The following CFAP299 variants were observed in gnomAD, a reference collection of about 807,000 sequenced individuals.
CFAP299 encodes the protein cilia and flagella associated protein 299.
In CFAP299, 21 loss-of-function variants were observed where a neutral mutation model predicts 27.0. The observed-to-expected ratio is 0.78, with a 90% confidence interval of 0.55 to 1.12. CFAP299 has a LOEUF of 1.12. Ranked by LOEUF, CFAP299 falls within the 50% of genes most tolerant of loss-of-function variation. The pLI, the probability that CFAP299 is intolerant of heterozygous loss-of-function variation, is 0.00. For missense variants in CFAP299, 310 were observed against 276.6 expected (o/e 1.12, Z -0.86); for synonymous variants, 104 against 98.1 (o/e 1.06, Z -0.36).
chr4:80,757,750 G>A (rs1333406399), intron 3 of CFAP299, among the ~76,000 whole-genome samples: 3 of 150,520 alleles, frequency 2.0e-5, no homozygotes, highest in Admixed American at 6.6e-5. Flanking sequence ...TTTCATTTAC[G>A]CAGTCTCATT....
chr4:80,954,044 A>G (rs1737921971), intron 5 of CFAP299, among the ~76,000 whole-genome samples: 1 of 152,228 alleles, frequency 6.6e-6, no homozygotes, highest in South Asian at 2.1e-4. Context: ...TTCTCACAAA[A>G]TGTATTACCT....
At chr4:80,834,726 G>A (rs1303162338) in intron 3 of CFAP299, among the ~76,000 whole-genome samples, 6 of 152,090 alleles carry the variant, frequency 3.9e-5, no homozygotes, top group Non-Finnish European at 8.8e-5. Flanking sequence ...CGGCGGACAG[G>A]GCAGTTCTTA....
Position 80,588,495 on chromosome 4 carries a change from A to G in CFAP299, c.333+5312A>G, listed in dbSNP as rs1736561804. ...ATCAATCATTTTATATGAAAATTTA[A>G]TGACATCTTTAGTGTTACATACCTG... On this transcript the variant is annotated intron_variant, in intron 3 of 5. Coordinates refer to ENST00000358105, the MANE Select transcript of CFAP299 (RefSeq NM_152770.3). Among the ~76,000 whole-genome samples the G allele has an allele frequency of 3.3e-5, 5 of 151,172 alleles. No homozygotes were observed. In the South Asian group the frequency reaches 1.0e-3, roughly 31 times the overall value.
chr4:80,819,237 A>G (rs1227360726), intron 3 of CFAP299, among the ~76,000 whole-genome samples: 2 of 152,078 alleles, frequency 1.3e-5, no homozygotes, highest in Non-Finnish European at 2.9e-5. Flanking sequence ...GAGTAGAAAG[A>G]GTGATATCTG....
chr4:80,960,613 T>C (rs186237579), intron 5 of CFAP299, among the ~76,000 whole-genome samples: 39 of 151,838 alleles, frequency 2.6e-4, no homozygotes, highest in African/African-American at 8.4e-4. Context: ...ACCACTACAA[T>C]AGGACAAAAT....
At chr4:80,492,545 A>T (rs1208050284) in intron 2 of CFAP299, among the ~76,000 whole-genome samples, 1 of 152,172 alleles carries the variant, frequency 6.6e-6, no homozygotes, top group African/African-American at 2.4e-5. Context: ...GGGACTTGGG[A>T]AGTGTATGGA....
In CFAP299 at chr4:80,346,926, GTTTGTGTC is replaced by G. The variant is rs1177132060; in HGVS notation, c.111+11048_111+11055del. Among the ~76,000 whole-genome samples, 7 of 152,250 alleles carry G rather than the reference GTTTGTGTC, an allele frequency of 4.6e-5. No individual in the cohort carries two copies. The East Asian group carries it at 1.3e-3, about 29-fold the overall frequency. On this transcript the variant is annotated intron_variant, in intron 1 of 5. Transcript: ENST00000358105. ...GTGATCATGGAATGTTCTTCCATTT[GTTTGTGTC>G]CTCTTTTATTTTGTTGAGCAGTGGT... is the stretch of plus-strand genomic sequence containing the variant.
intron 2 of CFAP299, among the ~76,000 whole-genome samples, chr4:80,459,878 T>A (rs1385766801): frequency 6.6e-6 from 1 of 152,138 alleles, no homozygotes; most frequent in Non-Finnish European, 1.5e-5. Context: ...ACTTCCCTTT[T>A]GCCCTCTGAA....
chr4:80,839,220 T>G (rs1730731731), intron 3 of CFAP299, among the ~76,000 whole-genome samples: 1 of 152,154 alleles, frequency 6.6e-6, no homozygotes, highest in South Asian at 2.1e-4. Flanking sequence ...ATATTTATGG[T>G]GTATTTGTTA....
At chr4:80,836,739 C>A (rs1730581369) in intron 3 of CFAP299, among the ~76,000 whole-genome samples, 1 of 152,084 alleles carries the variant, frequency 6.6e-6, no homozygotes. Flanking sequence ...ATGCATATAT[C>A]TTTGAGGGGG....
intron 3 of CFAP299, among the ~76,000 whole-genome samples, chr4:80,629,819 G>T (rs1404144732): frequency 6.6e-6 from 1 of 150,766 alleles, no homozygotes; most frequent in Admixed American, 6.6e-5. Context: ...GACAGGGGTT[G>T]CAGTGAGTCA....
chr4:80,525,146 C>T (rs1441210366), intron 2 of CFAP299, among the ~76,000 whole-genome samples: 1 of 152,046 alleles, frequency 6.6e-6, no homozygotes, highest in Non-Finnish European at 1.5e-5. Context: ...TTTTCTAAGA[C>T]AGAATCTCAT....
At chr4:80,839,462 C>T (rs749828094) in intron 3 of CFAP299, among the ~76,000 whole-genome samples, 1 of 151,908 alleles carries the variant, frequency 6.6e-6, no homozygotes, top group African/African-American at 2.4e-5. Flanking sequence ...TTCAAGAGAC[C>T]GAAAGGTTTG....
At chr4:80,343,507 C>T (rs574135766) in intron 1 of CFAP299, among the ~76,000 whole-genome samples, 18 of 151,946 alleles carry the variant, frequency 1.2e-4, no homozygotes, top group Admixed American at 2.0e-4. Context: ...GAACTCAAGA[C>T]GGCTGGGCAT....
At chr4:80,612,880 TTGTC>T (rs1366023308) in intron 3 of CFAP299, among the ~76,000 whole-genome samples, 1 of 152,122 alleles carries the variant, frequency 6.6e-6, no homozygotes, top group African/African-American at 2.4e-5. Context: ...ACAAGTTTGA[TTGTC>T]TGTTTTAGTC....
intron 4 of CFAP299, among the ~76,000 whole-genome samples, chr4:80,943,404 A>G (rs552882019): frequency 6.6e-6 from 1 of 152,318 alleles, no homozygotes; most frequent in South Asian, 2.1e-4. Flanking sequence ...AAAACAATAT[A>G]ATTCAGTAAG....
At chr4:80,747,592 G>T (rs1306286746) in intron 3 of CFAP299, among the ~76,000 whole-genome samples, 1 of 151,940 alleles carries the variant, frequency 6.6e-6, no homozygotes, top group African/African-American at 2.4e-5. Context: ...ATTATTATTT[G>T]CATTGTTTAC....
At chr4:80,909,903 A>G (rs1180469243) in intron 4 of CFAP299, among the ~76,000 whole-genome samples, 1 of 152,124 alleles carries the variant, frequency 6.6e-6, no homozygotes, top group Non-Finnish European at 1.5e-5. Flanking sequence ...AAATTTTTTG[A>G]AAACTACAAA....
At chr4:80,938,587 C>A (rs1309340358) in intron 4 of CFAP299, among the ~76,000 whole-genome samples, 1 of 152,176 alleles carries the variant, frequency 6.6e-6, no homozygotes, top group African/African-American at 2.4e-5. Context: ...ACTCTCAGCT[C>A]TGGAGGCTGT....
Sources: gnomAD v4.1 joint callset for allele counts (sites outside exome capture counted in the v4.1 genomes callset) on GRCh38, gnomAD v4.1.1 for gene constraint, MANE v1.5 for transcripts, NCBI Gene and HGNC (gene_info 2026-07-23, HGNC 2026-07-21) for gene names.